Variants in SSPN observed in about 807,000 individuals in gnomAD.
SSPN encodes K-ras oncogene-associated protein.
In SSPN, 15 loss-of-function variants were observed where a neutral mutation model predicts 19.1. The observed-to-expected ratio is 0.78, with a 90% CI of 0.52 to 1.21. The LOEUF is 1.21. SSPN is among the 50% of genes most tolerant of loss of function. SSPN has a pLI of 0.00. For missense variants in SSPN, 291 were observed against 314.0 expected (o/e 0.93, Z 0.55); for synonymous variants, 147 against 140.3 (o/e 1.05, Z -0.34).
chr12:26,213,202 C>A (rs187414028), intron 1 of SSPN, among the ~76,000 whole-genome samples: 96 of 151,952 alleles, frequency 6.3e-4, no homozygotes, highest in African/African-American at 2.2e-3. Flanking sequence ...TGCAGCTGGG[C>A]ATGGGACATA....
At chr12:26,152,815 T>C (rs1944533370) in intron 1 of SSPN, among the ~76,000 whole-genome samples, 1 of 152,260 alleles carries the variant, frequency 6.6e-6, no homozygotes, top group Non-Finnish European at 1.5e-5. Context: ...AGAAGAAGAC[T>C]CAAGCTCTTA....
At chr12:26,182,788 G>A (rs1218732523) in intron 1 of SSPN, among the ~76,000 whole-genome samples, 6 of 146,008 alleles carry the variant, frequency 4.1e-5, no homozygotes, top group Non-Finnish European at 9.0e-5. Flanking sequence ...TTTTTGAGAT[G>A]GATCCTCTCA....
In SSPN at chr12:26,185,386, A is replaced by C. The variant is rs182677143; in HGVS notation, c.-30-38907A>C. ...AATGATTGACAGGCATGGGATTCCT[A>C]AACTCTGGCCAGACTTTGCTTCTTT... On this transcript the variant is annotated intron_variant, in intron 1 of 2. Coordinates refer to the SSPN transcript ENST00000538142. Among the ~76,000 whole-genome samples, 251 of 152,324 alleles carry C rather than the reference A, an allele frequency of 1.6e-3. 1 individual carries two copies. The highest frequency in any genetic ancestry group is 2.8e-3 in the Non-Finnish European group (190 of 68,030).
intron 1 of SSPN, among the ~76,000 whole-genome samples, chr12:26,212,254 C>T (rs1356524246): frequency 6.6e-6 from 1 of 152,096 alleles, no homozygotes; most frequent in Non-Finnish European, 1.5e-5. Flanking sequence ...GTAGACCTGT[C>T]AGATATCAAC....
chr12:26,198,867 G>A (rs932292147), intron 1 of SSPN, among the ~76,000 whole-genome samples: 4 of 152,104 alleles, frequency 2.6e-5, no homozygotes, highest in South Asian at 2.1e-4. Flanking sequence ...ATATCCTGCC[G>A]GGTTATATCA....
intron 2 of SSPN, 131 bp downstream of exon 2, chr12:26,224,510 A>G (rs1945157426): frequency 1.3e-6 from 1 of 744,740 alleles, no homozygotes; most frequent in Non-Finnish European, 2.3e-6. Context: ...AGGCCAAAAA[A>G]TGTTTTAAGA....
At chr12:26,182,430 A>G (rs1414860211) in intron 1 of SSPN, among the ~76,000 whole-genome samples, 3 of 152,230 alleles carry the variant, frequency 2.0e-5, no homozygotes, top group Non-Finnish European at 4.4e-5. Flanking sequence ...TTAAATCATC[A>G]TTGATGACAT....
intron 1 of SSPN, chr12:26,122,300 A>AGCGGCG (rs1266833600): frequency 1.4e-5 from 16 of 1,164,864 alleles, no homozygotes; most frequent in Non-Finnish European, 1.7e-5. Flanking sequence ...CGGCGGCGGC[A>AGCGGCG]GCGGCGGCGG....
chr12:26,160,371 T>G (rs1186804011), intron 1 of SSPN, among the ~76,000 whole-genome samples: 2 of 152,244 alleles, frequency 1.3e-5, no homozygotes, highest in African/African-American at 4.8e-5. Flanking sequence ...CAATTTATTT[T>G]TAAAGTCAAT....
At chr12:26,123,749 G>A in intron 1 of SSPN, 1 of 1,595,968 alleles carries the variant, frequency 6.3e-7, no homozygotes, top group South Asian at 1.1e-5. Flanking sequence ...AGTCTGCAGT[G>A]GTGCAAAAAA....
chr12:26,231,168 A>G lies in SSPN; in HGVS notation c.*92A>G. 3.5e-6 allele frequency: 5 copies of G among 1,411,288 alleles called. No individual in the cohort carries two copies. Among genetic ancestry groups the G allele is most frequent in the Non-Finnish European group, 4.6e-6 (5 of 1,077,182 alleles). The allele number at this position is 1,411,288 out of a possible 1,614,324, so 87.4% of individuals were successfully genotyped here. A position where few individuals can be genotyped will look rare whatever the true frequency, so the allele number is the denominator to read the frequency against. ...AATTTTAAACAAAGAAAGGAAAAAAATTGACAATAAAAGTCACTCTTCTAA... is the reference window on the plus strand; with the variant it reads ...AATTTTAAACAAAGAAAGGAAAAAAGTTGACAATAAAAGTCACTCTTCTAA... On this transcript the variant is annotated 3_prime_UTR_variant, in exon 3 of 3. Coordinates refer to ENST00000242729, the MANE Select transcript of SSPN (RefSeq NM_005086.5).
chr12:26,153,945 G>A (rs779867982), intron 1 of SSPN, among the ~76,000 whole-genome samples: 5 of 152,230 alleles, frequency 3.3e-5, no homozygotes, highest in Non-Finnish European at 7.3e-5. Flanking sequence ...AGGAAGTCCA[G>A]TGCCTCTGAA....
chr12:26,234,669 T>TA lies in SSPN; in HGVS notation c.*3594dup, dbSNP rs1945267866. On this transcript the variant is annotated 3_prime_UTR_variant, in exon 3 of 3. Coordinates refer to ENST00000242729, the MANE Select transcript of SSPN (RefSeq NM_005086.5). ...ATTCATTTTTCTGGCATTGATCAAA[T>TA]AGCAAATACAAAATAAAGCATTTCT... 6.6e-6 allele frequency: 1 copy of TA among 152,214 alleles called. No homozygotes were observed. The highest frequency in any genetic ancestry group is 2.4e-5 in the African/African-American group (1 of 41,452). 9.4% of individuals were successfully genotyped at this position (152,214 alleles called of 1,614,324 possible).
chr12:26,167,044 C>T (rs1944625332), intron 1 of SSPN, among the ~76,000 whole-genome samples: 2 of 151,954 alleles, frequency 1.3e-5, no homozygotes, highest in African/African-American at 2.4e-5. Context: ...AACTAGCTAC[C>T]AATATTGAAA....
intron 1 of SSPN, among the ~76,000 whole-genome samples, chr12:26,164,028 AGAT>A (rs1213585169): frequency 6.6e-6 from 1 of 152,234 alleles, no homozygotes; most frequent in African/African-American, 2.4e-5. Context: ...ACTCAGAAGT[AGAT>A]GGCCTGCACA....
At chr12:26,221,697 G>A (rs1267849350) in intron 1 of SSPN, among the ~76,000 whole-genome samples, 3 of 152,154 alleles carry the variant, frequency 2.0e-5, no homozygotes, top group African/African-American at 7.2e-5. Context: ...TGTCTCTTAT[G>A]GAGACAAAGA....
At chr12:26,185,523 C>T (rs528266902) in intron 1 of SSPN, among the ~76,000 whole-genome samples, 22 of 152,148 alleles carry the variant, frequency 1.4e-4, no homozygotes, top group Admixed American at 9.2e-4. Context: ...ATACCTCTAC[C>T]CCCCTGGGCA....
intron 1 of SSPN, among the ~76,000 whole-genome samples, chr12:26,204,558 C>T (rs1215524935): frequency 6.8e-6 from 1 of 147,180 alleles, no homozygotes; most frequent in Middle Eastern, 3.3e-3. Context: ...TTGGGGAATG[C>T]TTATATGTTC....
intron 1 of SSPN, among the ~76,000 whole-genome samples, chr12:26,217,045 C>T (rs1397667114): frequency 2.0e-5 from 3 of 149,878 alleles, no homozygotes; most frequent in African/African-American, 7.4e-5. Context: ...TTAGGATTGA[C>T]TTGGTGATGC....
Sources: gnomAD v4.1 joint callset for allele counts (sites outside exome capture counted in the v4.1 genomes callset) on GRCh38, gnomAD v4.1.1 for gene constraint, MANE v1.5 for transcripts, NCBI Gene and HGNC (gene_info 2026-07-23, HGNC 2026-07-21) for gene names.